Variants in PDGFC observed in about 807,000 individuals in gnomAD.
PDGFC encodes the protein platelet derived growth factor C.
PDGFC carries 12 observed loss-of-function variants against 35.5 expected under a neutral mutation model. That is an observed-to-expected ratio of 0.34 (90% CI 0.22 to 0.55). The LOEUF is 0.55. Among genes scored for constraint, PDGFC ranks in the 20% least tolerant of loss-of-function variants. PDGFC has a pLI of 0.91. For synonymous variants in PDGFC, 159 were observed against 148.8 expected, an observed-to-expected ratio of 1.07 and a Z score of -0.50; for missense variants, 322 against 412.4, an observed-to-expected ratio of 0.78 and a Z score of 1.90.
At chr4:156,804,454 C>A (rs2110925070) in intron 3 of PDGFC, among the ~76,000 whole-genome samples, 1 of 151,898 alleles carries the variant, frequency 6.6e-6, no homozygotes, top group Non-Finnish European at 1.5e-5. Context: ...CTGAATAGCT[C>A]CTGGACTTTT....
At chr4:156,964,758 G>C (rs948824699) in intron 1 of PDGFC, among the ~76,000 whole-genome samples, 1 of 152,082 alleles carries the variant, frequency 6.6e-6, no homozygotes, top group Non-Finnish European at 1.5e-5. Context: ...ACAAAGTCAA[G>C]TCAACTTCTG....
At chr4:156,908,991 C>T (rs957418310) in intron 1 of PDGFC, among the ~76,000 whole-genome samples, 1 of 152,146 alleles carries the variant, frequency 6.6e-6, no homozygotes, top group African/African-American at 2.4e-5. Flanking sequence ...AAAGACCACA[C>T]ATATACAATT....
At chr4:156,818,215 T>C (rs1732145843) in intron 2 of PDGFC, among the ~76,000 whole-genome samples, 1 of 151,306 alleles carries the variant, frequency 6.6e-6, no homozygotes, top group African/African-American at 2.4e-5. Flanking sequence ...TTAAAAGATA[T>C]ACACTCAATG....
chr4:156,919,699 A>T (rs1374024978), intron 1 of PDGFC, among the ~76,000 whole-genome samples: 1 of 152,180 alleles, frequency 6.6e-6, no homozygotes, highest in Non-Finnish European at 1.5e-5. Context: ...ATCCACTATG[A>T]CTTCCTGTAG....
At chr4:156,919,502 T>TG (rs5863241) in intron 1 of PDGFC, among the ~76,000 whole-genome samples, 1 of 152,158 alleles carries the variant, frequency 6.6e-6, no homozygotes, top group Non-Finnish European at 1.5e-5. Context: ...TTCCTATTTA[T>TG]TTCATCATCC....
At chr4:156,848,586 A>G (rs1161529271) in intron 2 of PDGFC, among the ~76,000 whole-genome samples, 6 of 151,982 alleles carry the variant, frequency 3.9e-5, no homozygotes, top group Non-Finnish European at 8.8e-5. Context: ...TTAAAGCATA[A>G]TTTTTTTAGT....
chr4:156,881,197 A>G (rs1300876030), intron 1 of PDGFC, among the ~76,000 whole-genome samples: 2 of 152,184 alleles, frequency 1.3e-5, no homozygotes, highest in Admixed American at 1.3e-4. Flanking sequence ...AGCCATTAAC[A>G]TTGAGGCAAA....
chr4:156,971,007 C>G lies in PDGFC; in HGVS notation c.-104G>C, dbSNP rs1226881456. ...GGGGAAGGCTGCACTGGGGTGGAAG[C>G]GCCGAGCCTGCTCTGGCAGCAGAGA... On this transcript the variant is annotated 5_prime_UTR_variant, in exon 1 of 6. Transcript: ENST00000502773. 5.6e-6 allele frequency: 4 copies of G among 711,666 alleles called. No individual in the cohort carries two copies. The highest frequency in any genetic ancestry group is 9.9e-6 in the Non-Finnish European group (4 of 403,774). 44.1% of individuals were successfully genotyped at this position (711,666 alleles called of 1,614,324 possible).
intron 1 of PDGFC, among the ~76,000 whole-genome samples, chr4:156,866,299 T>G (rs1246222927): frequency 6.6e-6 from 1 of 152,218 alleles, no homozygotes; most frequent in Non-Finnish European, 1.5e-5. Flanking sequence ...TCATTTTTTA[T>G]GGCTGCATAG....
intron 3 of PDGFC, among the ~76,000 whole-genome samples, chr4:156,787,413 G>A (rs1731158060): frequency 6.6e-6 from 1 of 152,166 alleles, no homozygotes; most frequent in South Asian, 2.1e-4. Context: ...AGTACCAAGT[G>A]CGATTCTGAC....
chr4:156,867,258 A>G (rs1406073745), intron 1 of PDGFC, among the ~76,000 whole-genome samples: 2 of 152,186 alleles, frequency 1.3e-5, no homozygotes, highest in Non-Finnish European at 2.9e-5. Context: ...ACAATCAACA[A>G]ATACTCATTG....
In PDGFC at chr4:156,762,898, C is replaced by T; in HGVS notation, c.*192G>A. Reference sequence around the variant, plus strand: ...TTTTCTCCTGTCCTTTAGGCCTCCTCTCAAAAGAGCTGTTGCACAACTCCT... The same window carrying T: ...TTTTCTCCTGTCCTTTAGGCCTCCTTTCAAAAGAGCTGTTGCACAACTCCT... On this transcript the variant is annotated 3_prime_UTR_variant, in exon 6 of 6. Coordinates refer to ENST00000502773, the MANE Select transcript of PDGFC (RefSeq NM_016205.3). 2.0e-6 allele frequency: 1 copy of T among 503,716 alleles called. No individual in the cohort carries two copies. Among genetic ancestry groups the T allele is most frequent in the Non-Finnish European group, 3.6e-6 (1 of 279,606 alleles). 31.2% of individuals were successfully genotyped at this position (503,716 alleles called of 1,614,324 possible). A position where few individuals can be genotyped will look rare whatever the true frequency, so the allele number is the denominator to read the frequency against.
chr4:156,957,649 C>T (rs773149271), intron 1 of PDGFC, among the ~76,000 whole-genome samples: 4 of 151,948 alleles, frequency 2.6e-5, no homozygotes, highest in Non-Finnish European at 4.4e-5. Context: ...CTTGTATGTG[C>T]CATCAGGAAT....
At chr4:156,824,695 A>G (rs759928943) in intron 2 of PDGFC, among the ~76,000 whole-genome samples, 54 of 152,064 alleles carry the variant, frequency 3.6e-4, no homozygotes, top group Non-Finnish European at 6.8e-4. Flanking sequence ...ACCTCATACC[A>G]TTGTACTATT....
intron 2 of PDGFC, among the ~76,000 whole-genome samples, chr4:156,813,915 A>G (rs1223990811): frequency 2.0e-5 from 3 of 152,102 alleles, no homozygotes; most frequent in African/African-American, 4.8e-5. Flanking sequence ...AATTCGTGTC[A>G]GCTCCAGCAA....
At chr4:156,836,470 C>A (rs1729066110) in intron 2 of PDGFC, among the ~76,000 whole-genome samples, 1 of 152,140 alleles carries the variant, frequency 6.6e-6, no homozygotes, top group South Asian at 2.1e-4. Flanking sequence ...AGTCTATATA[C>A]CAACTGAAAA....
At chr4:156,806,777 A>C (rs537834958) in intron 3 of PDGFC, among the ~76,000 whole-genome samples, 1 of 152,174 alleles carries the variant, frequency 6.6e-6, no homozygotes, top group East Asian at 1.9e-4. Context: ...CAGCCTTTTT[A>C]GGTTTCTTAT....
Position 156,971,266 on chromosome 4 carries a change from A to G in PDGFC, c.-363T>C, listed in dbSNP as rs1368219355. On this transcript the variant is annotated 5_prime_UTR_variant, in exon 1 of 6. Coordinates refer to ENST00000502773, the MANE Select transcript of PDGFC (RefSeq NM_016205.3). ...AAGTCCCCAGCAAGTTGCTGGGAGC[A>G]CCTGTCAGTTCGGGGGACAGGACAG... 1.2e-5 allele frequency: 5 copies of G among 429,152 alleles called. No homozygotes were observed. In the East Asian group the frequency reaches 1.3e-4, roughly 11 times the overall value. 26.6% of individuals were successfully genotyped at this position (429,152 alleles called of 1,614,324 possible). A position where few individuals can be genotyped will look rare whatever the true frequency, so the allele number is the denominator to read the frequency against.
At chr4:156,766,291 GAC>G (rs770325638) in intron 5 of PDGFC, among the ~76,000 whole-genome samples, 7 of 152,094 alleles carry the variant, frequency 4.6e-5, no homozygotes, top group Non-Finnish European at 1.0e-4. Flanking sequence ...TAAGGTTCCT[GAC>G]TTGCTTTTCT....
Sources: gnomAD v4.1 joint callset for allele counts (sites outside exome capture counted in the v4.1 genomes callset) on GRCh38, gnomAD v4.1.1 for gene constraint, MANE v1.5 for transcripts, NCBI Gene and HGNC (gene_info 2026-07-23, HGNC 2026-07-21) for gene names.